USP49: variants seen among roughly 807,000 people sequenced by gnomAD.
USP49 encodes the protein ubiquitin specific peptidase 49.
In USP49, 24 loss-of-function variants were observed where a neutral mutation model predicts 58.6. The ratio of observed to expected loss-of-function variants is 0.41; its 90% CI spans 0.30 to 0.58. USP49 has a LOEUF of 0.58. Among genes scored for constraint, USP49 ranks in the 20% least tolerant of loss-of-function variants. USP49 has a pLI of 0.30. For missense variants in USP49, 703 were observed against 866.1 expected (o/e 0.81, Z 2.36); for synonymous variants, 408 against 365.1 (o/e 1.12, Z -1.34).
At chr6:41,837,506 G>C (rs1773748876) in intron 3 of USP49, among the ~76,000 whole-genome samples, 1 of 152,120 alleles carries the variant, frequency 6.6e-6, no homozygotes, top group African/African-American at 2.4e-5. Context: ...AAAACCTCTA[G>C]AAAACCTAGG....
chr6:41,823,857 A>G (rs902407460), intron 3 of USP49, among the ~76,000 whole-genome samples: 1 of 151,938 alleles, frequency 6.6e-6, no homozygotes, highest in Non-Finnish European at 1.5e-5. Flanking sequence ...AGGGAGAGAG[A>G]GAGTGTGTGT....
At chr6:41,810,806 G>A (rs115853572) in intron 3 of USP49, among the ~76,000 whole-genome samples, 2,564 of 152,030 alleles carry the variant, frequency 0.017, 56 homozygotes, top group African/African-American at 0.051. Flanking sequence ...CAGGTGACCC[G>A]CCTCAGCCTC....
At chr6:41,802,182 T>C (rs9367112) in intron 5 of USP49, among the ~76,000 whole-genome samples, 28,509 of 151,396 alleles carry the variant, frequency 0.19, 3,285 homozygotes, top group East Asian at 0.29. Flanking sequence ...AACTTTGTGG[T>C]TTTTGTTTTT....
intron 3 of USP49, chr6:41,833,131 C>T: frequency 6.6e-6 from 1 of 152,076 alleles, no homozygotes; most frequent in Non-Finnish European, 1.5e-5. Context: ...ATTCTCCTGC[C>T]TCAGCCTCCC....
At chr6:41,866,549 A>G (rs572112517) in intron 3 of USP49, among the ~76,000 whole-genome samples, 1 of 152,254 alleles carries the variant, frequency 6.6e-6, no homozygotes, top group African/African-American at 2.4e-5. Context: ...AGTTTGGTAC[A>G]TATCAGTGGG....
intron 3 of USP49, among the ~76,000 whole-genome samples, chr6:41,818,347 A>G (rs577932628): frequency 6.6e-6 from 1 of 152,266 alleles, no homozygotes; most frequent in East Asian, 1.9e-4. Flanking sequence ...ACGTGTACAC[A>G]CACACACACA....
chr6:41,805,887 C>T lies in USP49; in HGVS notation c.1097G>A (p.Arg366Gln), dbSNP rs764155609. The T allele has an allele frequency of 5.0e-6, 8 of 1,613,978 alleles. No individual in the cohort carries two copies. The highest frequency in any genetic ancestry group is 1.7e-5 in the Admixed American group (1 of 60,024). The change falls in exon 4 of 8, where the codon CGA becomes CAA. Residue 366 changes from arginine (R) to glutamine (Q), a missense_variant. This residue lies in a region of USP49 where 66 missense variants were observed against 116.0 expected (regional missense o/e 0.57). Transcript: ENST00000682992. ...SLCRELHTLF[R>Q]VMWSGKWALV... ...GGCCCACTTCCCGGACCACATGACT[C>T]GGAAGAGGGTGTGCAGTTCACGGCA...
At chr6:41,807,798 G>A (rs1265941659) in intron 3 of USP49, among the ~76,000 whole-genome samples, 3 of 148,238 alleles carry the variant, frequency 2.0e-5, no homozygotes, top group East Asian at 4.0e-4. Context: ...TTTTGAGGTC[G>A]AGCCTCCCTC....
Position 41,806,036 on chromosome 6 carries a change from G to A in USP49, c.948C>T (p.Ser316=), listed in dbSNP as rs1250705628. ...ATGCCTCGGCCCTGTCATTTCTCAA[G>A]GACAGCTCCGTGGCCGAGCTGTTGG... ...KPTNSSATEL[S]LRNDRAEACE... Residue 316 remains serine (S), a synonymous_variant, in exon 4 of 8, where the codon TCC becomes TCT. Transcript: ENST00000682992. This position sits in a 1 kb window ranked among gnomAD's most constrained non-coding sequence, Gnocchi z 5.9. 9 of 1,613,912 alleles carry A rather than the reference G, an allele frequency of 5.6e-6. No individual in the cohort carries two copies. The highest frequency in any genetic ancestry group is 1.1e-5 in the South Asian group (1 of 91,088).
At chr6:41,840,469 G>A (rs1773806116) in intron 3 of USP49, among the ~76,000 whole-genome samples, 1 of 152,128 alleles carries the variant, frequency 6.6e-6, no homozygotes, top group African/African-American at 2.4e-5. Context: ...CCTTGGGTCA[G>A]TGAAGTTCTC....
At chr6:41,802,456 A>ATTTTTTTTTTTTTTTTTTTTTTTT (rs1186521851) in intron 5 of USP49, among the ~76,000 whole-genome samples, 2 of 70,294 alleles carry the variant, frequency 2.8e-5, no homozygotes, top group Non-Finnish European at 2.8e-5. Flanking sequence ...TTATTTATTT[A>ATTTTTTTTTTTTTTTTTTTTTTTT]TTTATTTATT....
intron 2 of USP49, among the ~76,000 whole-genome samples, chr6:41,887,065 C>T (rs1774725131): frequency 6.6e-6 from 1 of 152,196 alleles, no homozygotes; most frequent in Non-Finnish European, 1.5e-5. Flanking sequence ...ATGACATATC[C>T]TACACATCTT....
intron 7 of USP49, among the ~76,000 whole-genome samples, chr6:41,796,983 T>C (rs776172165): frequency 2.0e-4 from 27 of 137,160 alleles, no homozygotes; most frequent in Non-Finnish European, 3.4e-4. Flanking sequence ...AGAGTCTCGC[T>C]CTGTCACCCA....
At position 41,800,429 on chromosome 6, in the gene USP49, G is replaced by A. The variant is rs554210638; in HGVS notation, c.1562-491C>T. 1.2e-4 allele frequency among the ~76,000 whole-genome samples: 18 copies of A among 152,216 alleles called. No homozygotes were observed. The South Asian group carries it at 3.5e-3, about 30-fold the overall frequency. On this transcript the variant is annotated intron_variant, in intron 5 of 7. Coordinates refer to ENST00000682992, the MANE Select transcript of USP49 (RefSeq NM_001286554.2). ...ATTTTAAGTCATTGTTATTTGGGTC[G>A]ACTGTTACAAGCAACTCAAATCTTT...
intron 3 of USP49, among the ~76,000 whole-genome samples, chr6:41,854,319 A>C (rs1774088799): frequency 6.7e-6 from 1 of 149,138 alleles, no homozygotes; most frequent in Admixed American, 6.7e-5. Flanking sequence ...TCTGTCTCAA[A>C]AAAAAAAAAA....
At chr6:41,813,041 G>T (rs1773286567) in intron 3 of USP49, among the ~76,000 whole-genome samples, 1 of 152,132 alleles carries the variant, frequency 6.6e-6, no homozygotes, top group Non-Finnish European at 1.5e-5. Context: ...AGTCACACGT[G>T]ACTACTGAGC....
At chr6:41,808,407 C>CTTTTTTT (rs5875774) in intron 3 of USP49, among the ~76,000 whole-genome samples, 1 of 117,564 alleles carries the variant, frequency 8.5e-6, no homozygotes, top group African/African-American at 3.3e-5. Context: ...AGCTATACAA[C>CTTTTTTT]TTTTTTTTTT....
intron 3 of USP49, among the ~76,000 whole-genome samples, chr6:41,826,283 G>GA (rs1193731317): frequency 6.6e-6 from 1 of 151,178 alleles, no homozygotes; most frequent in Non-Finnish European, 1.5e-5. Context: ...AAGAAAGAAA[G>GA]AAAAAAAAGA....
At chr6:41,839,706 G>C (rs1194665306) in intron 3 of USP49, among the ~76,000 whole-genome samples, 2 of 152,106 alleles carry the variant, frequency 1.3e-5, no homozygotes, top group East Asian at 3.9e-4. Context: ...AACCTGGGTG[G>C]AGGTGGAGAC....
Sources: gnomAD v4.1 joint callset for allele counts (sites outside exome capture counted in the v4.1 genomes callset) on GRCh38, gnomAD v4.1.1 for gene constraint, gnomAD v4.1.1 regional missense constraint, Gnocchi (gnomAD v3.1) non-coding constraint, MANE v1.5 for transcripts, NCBI Gene and HGNC (gene_info 2026-07-23, HGNC 2026-07-21) for gene names.